VDR: variants seen among roughly 807,000 people sequenced by gnomAD.
The protein encoded by VDR is vitamin D3 receptor.
Under a neutral mutation model 39.7 loss-of-function variants are expected in VDR, and 19 were observed. That is an observed-to-expected ratio of 0.48 (90% CI 0.33 to 0.70). The LOEUF (loss-of-function observed/expected upper bound fraction) is 0.70. Among genes scored for constraint, VDR ranks in the 30% least tolerant of loss-of-function variants. VDR has a pLI of 0.02. For missense variants in VDR, 442 were observed against 570.5 expected (o/e 0.77, Z 2.29); for synonymous variants, 242 against 215.8 (o/e 1.12, Z -1.07).
At chr12:47,845,892 C>T (rs757343) in intron 9 of VDR, among the ~76,000 whole-genome samples, 18,831 of 152,294 alleles carry the variant, frequency 0.12, 1,326 homozygotes, top group East Asian at 0.22. Flanking sequence ...CGGAAGAGGT[C>T]AAGGGTCACT....
chr12:47,848,555 C>CTTTTTTTTTTTTT lies in VDR; in HGVS notation c.756-1760_756-1748dup, dbSNP rs1162881183. Among the ~76,000 whole-genome samples, 6 of 58,116 alleles carry CTTTTTTTTTTTTT rather than the reference C, an allele frequency of 1.0e-4. 1 individual carries two copies. Among genetic ancestry groups the CTTTTTTTTTTTTT allele is most frequent in the Non-Finnish European group, 1.4e-4 (5 of 34,812 alleles). 38.1% of individuals were successfully genotyped at this position (58,116 alleles called of 152,430 possible). A position where few individuals can be genotyped will look rare whatever the true frequency, so the allele number is the denominator to read the frequency against. On this transcript the variant is annotated intron_variant, in intron 7 of 9. Coordinates refer to ENST00000549336, the MANE Select transcript of VDR (RefSeq NM_000376.3). ...CTCTTTACATGCTTGTTTTCTACTC[C>CTTTTTTTTTTTTT]TTTTTTTTTTTTTTTTTTTTTTTTT...
In VDR at chr12:47,843,952, CA is replaced by C. The variant is rs78783628; in HGVS notation, c.*793del. On this transcript the variant is annotated 3_prime_UTR_variant, in exon 10 of 10. Coordinates refer to ENST00000549336, the MANE Select transcript of VDR (RefSeq NM_000376.3). ...TCCTGGGCAGGAGGTAAGGCACTGG[CA>C]GGGGGAGGACGAGGTCGGCAGGTGC... The C allele has an allele frequency of 0.51, 76,852 of 151,052 alleles. 19,683 individuals carry two copies. Among genetic ancestry groups the C allele is most frequent in the Middle Eastern group, 0.54 (159 of 294 alleles). 9.4% of individuals were successfully genotyped at this position (151,052 alleles called of 1,614,324 possible). A position where few individuals can be genotyped will look rare whatever the true frequency, so the allele number is the denominator to read the frequency against.
chr12:47,844,617 G>A lies in VDR; in HGVS notation c.*129C>T. 1 of 1,281,758 alleles carries A rather than the reference G, an allele frequency of 7.8e-7. No homozygotes were observed. The highest frequency in any genetic ancestry group is 1.9e-5 in the Admixed American group (1 of 52,796). The allele number at this position is 1,281,758 out of a possible 1,614,324, so 79.4% of individuals were successfully genotyped here. A position where few individuals can be genotyped will look rare whatever the true frequency, so the allele number is the denominator to read the frequency against. On this transcript the variant is annotated 3_prime_UTR_variant, in exon 10 of 10. Coordinates refer to ENST00000549336, the MANE Select transcript of VDR (RefSeq NM_000376.3). ...GAGAGAGAATGGGCTGGGTGGATAGGGGAGGTGGCAGAGGAGGGGCTGAAC... is the reference window on the plus strand; with the variant it reads ...GAGAGAGAATGGGCTGGGTGGATAGAGGAGGTGGCAGAGGAGGGGCTGAAC...
intron 1 of VDR, among the ~76,000 whole-genome samples, chr12:47,890,293 C>G (rs572907725): frequency 1.5e-4 from 23 of 149,708 alleles, no homozygotes; most frequent in African/African-American, 5.6e-4. Flanking sequence ...TCAACTGCCA[C>G]GAGAAACCCC....
intron 4 of VDR, among the ~76,000 whole-genome samples, chr12:47,858,249 A>T (rs1054137547): frequency 6.6e-6 from 1 of 152,220 alleles, no homozygotes; most frequent in Non-Finnish European, 1.5e-5. Flanking sequence ...AGAAGATATC[A>T]GGGTGAAGAG....
chr12:47,886,443 A>T (rs1299026825), intron 1 of VDR, among the ~76,000 whole-genome samples: 1 of 152,148 alleles, frequency 6.6e-6, no homozygotes, highest in Non-Finnish European at 1.5e-5. Flanking sequence ...CCCACCATGT[A>T]TCCATTTTCT....
At chr12:47,884,238 C>T (rs1946214080) in intron 1 of VDR, among the ~76,000 whole-genome samples, 1 of 152,188 alleles carries the variant, frequency 6.6e-6, no homozygotes, top group East Asian at 1.9e-4. Flanking sequence ...TAGACAACCA[C>T]CCTGGAACTT....
intron 7 of VDR, among the ~76,000 whole-genome samples, chr12:47,848,751 G>C (rs1945329124): frequency 6.6e-6 from 1 of 151,920 alleles, no homozygotes; most frequent in African/African-American, 2.4e-5. Flanking sequence ...ATTTTTAGTA[G>C]AGACGGGGTT....
intron 3 of VDR, 101 bp downstream of exon 3, chr12:47,878,867 G>A (rs755386870): frequency 1.4e-5 from 22 of 1,584,636 alleles, no homozygotes; most frequent in Non-Finnish European, 1.8e-5. Flanking sequence ...CATGGACATT[G>A]TAAGGAAGGA....
chr12:47,867,329 A>G (rs1340303507), intron 3 of VDR, among the ~76,000 whole-genome samples: 2 of 152,154 alleles, frequency 1.3e-5, no homozygotes, highest in Non-Finnish European at 2.9e-5. Context: ...ATTCTAGCCT[A>G]GGCAACAGAA....
intron 1 of VDR, among the ~76,000 whole-genome samples, chr12:47,884,666 G>A (rs752345474): frequency 3.9e-5 from 6 of 152,254 alleles, no homozygotes; most frequent in Non-Finnish European, 7.4e-5. Flanking sequence ...TTTGAATCTA[G>A]GTAGCTTAGC....
intron 7 of VDR, among the ~76,000 whole-genome samples, chr12:47,850,488 T>C (rs1008195619): frequency 1.5e-4 from 23 of 152,196 alleles, no homozygotes; most frequent in Non-Finnish European, 2.1e-4. Flanking sequence ...ACATCTTCCA[T>C]GGATGCAGGC....
At chr12:47,853,891 CA>C (rs1234737450) in intron 7 of VDR, among the ~76,000 whole-genome samples, 4 of 151,772 alleles carry the variant, frequency 2.6e-5, no homozygotes, top group African/African-American at 9.7e-5. Flanking sequence ...CATTGCACTC[CA>C]GCCTAGGTGA....
chr12:47,878,901 C>T (rs1946070645), intron 3 of VDR, 67 bp downstream of exon 3: 4 of 1,612,578 alleles, frequency 2.5e-6, no homozygotes, highest in Non-Finnish European at 2.5e-6. Flanking sequence ...CAAGGGCTCC[C>T]TTCATGGAAA....
intron 4 of VDR, among the ~76,000 whole-genome samples, chr12:47,862,431 G>A (rs1945645421): frequency 6.6e-6 from 1 of 152,232 alleles, no homozygotes; most frequent in East Asian, 1.9e-4. Flanking sequence ...CATCTTATTA[G>A]CTGAGAGCCA....
intron 1 of VDR, among the ~76,000 whole-genome samples, chr12:47,903,054 C>A (rs114449140): frequency 6.6e-6 from 1 of 152,228 alleles, no homozygotes; most frequent in Non-Finnish European, 1.5e-5. Context: ...AAACAGCACC[C>A]GACCTTCCAT....
chr12:47,846,650 G>C lies in VDR; in HGVS notation c.907+7C>G. ...AAGACTCCCCAGGAGGTGGAGTCTA[G>C]GCATACCTTTGGTCACGTCACTGAC... On this transcript the variant is annotated splice_region_variant and intron_variant, in intron 8 of 9. Coordinates refer to ENST00000549336, the MANE Select transcript of VDR (RefSeq NM_000376.3). 3.7e-6 allele frequency: 6 copies of C among 1,613,338 alleles called. No homozygotes were observed. Among genetic ancestry groups the C allele is most frequent in the Non-Finnish European group, 5.1e-6 (6 of 1,180,038 alleles).
chr12:47,876,100 T>G (rs1945995777), intron 3 of VDR, among the ~76,000 whole-genome samples: 1 of 152,184 alleles, frequency 6.6e-6, no homozygotes. Context: ...TCATGTGAAT[T>G]TTTCACTGCT....
rs531822013 is a variant in VDR, at chr12:47,874,955, G to C, written c.146+4013C>G. ...TTTAGTTGTTAACATATAGCCAAGA[G>C]GTGTCTGGCCATCTATAAGCCTGCC... On this transcript the variant is annotated intron_variant, in intron 3 of 9. Transcript: ENST00000549336. Among the ~76,000 whole-genome samples the C allele has an allele frequency of 5.9e-4, 90 of 152,306 alleles. No homozygotes were observed. The South Asian group carries it at 0.016, about 27-fold the overall frequency.
Sources: gnomAD v4.1 joint callset for allele counts (sites outside exome capture counted in the v4.1 genomes callset) on GRCh38, gnomAD v4.1.1 for gene constraint, MANE v1.5 for transcripts, NCBI Gene and HGNC (gene_info 2026-07-23, HGNC 2026-07-21) for gene names.